Variants in BICC1 observed in about 807,000 individuals in gnomAD.
The protein encoded by BICC1 is protein bicaudal C homolog 1.
Under a neutral mutation model 111.0 loss-of-function variants are expected in BICC1, and 43 were observed. The observed-to-expected ratio is 0.39, with a 90% CI of 0.30 to 0.50. BICC1 has a LOEUF of 0.50. Among genes scored for constraint, BICC1 ranks in the 20% least tolerant of loss-of-function variants. BICC1 has a pLI of 0.88. For synonymous variants in BICC1, 467 were observed against 434.4 expected, an observed-to-expected ratio of 1.07 and a Z score of -0.93; for missense variants, 1,091 against 1,203.2, an observed-to-expected ratio of 0.91 and a Z score of 1.38.
rs755459179 is a variant in BICC1, at chr10:58,800,213, G to A, written c.1745G>A (p.Gly582Asp). The A allele has an allele frequency of 1.2e-6, 2 of 1,603,796 alleles. No homozygotes were observed. Among genetic ancestry groups the A allele is most frequent in the South Asian group, 1.1e-5 (1 of 90,670 alleles). ...GHAQSPDIKY[G>D]AISTSSLGEK... Reference sequence around the variant, plus strand: ...TTTTAGTCTCCAGATATAAAATATGGTGCAATATCCACTTCATCACTTGGA... The same window carrying A: ...TTTTAGTCTCCAGATATAAAATATGATGCAATATCCACTTCATCACTTGGA... The change falls in exon 13 of 21, where the codon GGT becomes GAT. Residue 582 changes from glycine to aspartate, a missense_variant. Physicochemically the swap from Gly to Asp is moderately conservative, Grantham distance 94. Around this residue, in one of 3 missense-constraint regions of BICC1, gnomAD observed 843 missense variants for 900.8 expected, o/e 0.94. Coordinates refer to ENST00000373886, the MANE Select transcript of BICC1 (RefSeq NM_001080512.3).
At chr10:58,788,600 A>G (rs922338184) in intron 6 of BICC1, among the ~76,000 whole-genome samples, 177 bp downstream of exon 6, 1 of 152,212 alleles carries the variant, frequency 6.6e-6, no homozygotes, top group Non-Finnish European at 1.5e-5. Flanking sequence ...TTTATTGTAT[A>G]TGTTCAAAAA....
chr10:58,820,513 CT>C, intron 20 of BICC1, 45 bp downstream of exon 20: 1 of 1,380,444 alleles, frequency 7.2e-7, no homozygotes. Context: ...TGAATAACCT[CT>C]GCCAGTGGTC....
chr10:58,523,675 T>G (rs989062351), intron 1 of BICC1, among the ~76,000 whole-genome samples: 27 of 152,212 alleles, frequency 1.8e-4, no homozygotes, highest in Admixed American at 1.3e-3. Flanking sequence ...ACCACTCCTA[T>G]TCAACATAGT....
At chr10:58,539,923 G>A (rs1193564999) in intron 1 of BICC1, among the ~76,000 whole-genome samples, 1 of 151,872 alleles carries the variant, frequency 6.6e-6, no homozygotes, top group Non-Finnish European at 1.5e-5. Flanking sequence ...GTCATATCAA[G>A]TATCTTTTTA....
At chr10:58,731,000 C>T (rs1262081462) in intron 3 of BICC1, among the ~76,000 whole-genome samples, 1 of 152,176 alleles carries the variant, frequency 6.6e-6, no homozygotes, top group Non-Finnish European at 1.5e-5. Context: ...TTTTTCCAAA[C>T]TTTTATGTTG....
At chr10:58,738,061 T>G (rs1201862192) in intron 3 of BICC1, among the ~76,000 whole-genome samples, 1 of 152,192 alleles carries the variant, frequency 6.6e-6, no homozygotes, top group East Asian at 1.9e-4. Context: ...TGATGGTAGT[T>G]TCTTTTGCTG....
intron 3 of BICC1, among the ~76,000 whole-genome samples, chr10:58,719,538 G>A (rs1319086039): frequency 2.0e-5 from 3 of 151,148 alleles, no homozygotes; most frequent in Non-Finnish European, 2.9e-5. Flanking sequence ...ACGGAGTCTC[G>A]CTCTGTCGCC....
chr10:58,810,676 A>C (rs1249013074), intron 17 of BICC1, among the ~76,000 whole-genome samples: 1 of 152,130 alleles, frequency 6.6e-6, no homozygotes, highest in Admixed American at 6.5e-5. Flanking sequence ...TATTGCCTCT[A>C]TAGATTAGGA....
intron 1 of BICC1, among the ~76,000 whole-genome samples, chr10:58,544,875 G>T (rs1473558623): frequency 6.6e-6 from 1 of 151,988 alleles, no homozygotes; most frequent in Non-Finnish European, 1.5e-5. Flanking sequence ...CATTAGGTTG[G>T]GTTCTAATCT....
At chr10:58,643,570 T>C (rs981038203) in intron 2 of BICC1, among the ~76,000 whole-genome samples, 3 of 152,116 alleles carry the variant, frequency 2.0e-5, no homozygotes, top group African/African-American at 7.2e-5. Context: ...TATCCTTTGT[T>C]CCAAAAAGGG....
At chr10:58,824,803 G>T (rs565584786) in intron 20 of BICC1, among the ~76,000 whole-genome samples, 1 of 152,076 alleles carries the variant, frequency 6.6e-6, no homozygotes, top group Middle Eastern at 3.4e-3. Flanking sequence ...TAAATTTGAG[G>T]GTATTTGCAT....
intron 14 of BICC1, 82 bp from the exon 15 acceptor site, chr10:58,802,995 C>A: frequency 7.7e-7 from 1 of 1,294,138 alleles, no homozygotes; most frequent in African/African-American, 1.5e-5. Context: ...GATAAACATG[C>A]ATAGTAAATG....
chr10:58,589,802 T>G (rs1172050860), intron 1 of BICC1, among the ~76,000 whole-genome samples: 1 of 152,052 alleles, frequency 6.6e-6, no homozygotes, highest in Admixed American at 6.5e-5. Flanking sequence ...TTATTATTAT[T>G]ATTTTTTTTA....
chr10:58,652,980 A>G (rs1205487432), intron 2 of BICC1, among the ~76,000 whole-genome samples: 1 of 152,144 alleles, frequency 6.6e-6, no homozygotes, highest in Non-Finnish European at 1.5e-5. Flanking sequence ...ATACCATGTT[A>G]TATACACTGG....
intron 3 of BICC1, among the ~76,000 whole-genome samples, chr10:58,761,882 G>A (rs1413937635): frequency 6.6e-6 from 1 of 152,030 alleles, no homozygotes; most frequent in Non-Finnish European, 1.5e-5. Context: ...GCAACCACTT[G>A]CATGTGGCTT....
chr10:58,555,322 T>C (rs1028031563), intron 1 of BICC1, among the ~76,000 whole-genome samples: 1 of 148,790 alleles, frequency 6.7e-6, no homozygotes, highest in African/African-American at 2.5e-5. Context: ...TTTTTTTTTT[T>C]TTTTTTTTTT....
chr10:58,619,143 A>G (rs1407387629), intron 1 of BICC1, among the ~76,000 whole-genome samples: 1 of 152,186 alleles, frequency 6.6e-6, no homozygotes, highest in Non-Finnish European at 1.5e-5. Flanking sequence ...ATTTAATCAC[A>G]TCTACAAAAT....
rs565451305 is a variant in BICC1, at chr10:58,699,667, A to C, written c.238-2407A>C. 4.5e-3 allele frequency among the ~76,000 whole-genome samples: 691 copies of C among 152,152 alleles called. 3 individuals are homozygous for C. Among genetic ancestry groups the C allele is most frequent in the South Asian group, 1.0e-2 (48 of 4,818 alleles). Reference sequence around the variant, plus strand: ...TTACTGCCTCCCCACCAATAGCAACATTATAGTAAGATCTTATTTTTCTAT... The same window carrying C: ...TTACTGCCTCCCCACCAATAGCAACCTTATAGTAAGATCTTATTTTTCTAT... On this transcript the variant is annotated intron_variant, in intron 2 of 20. Coordinates refer to ENST00000373886, the MANE Select transcript of BICC1 (RefSeq NM_001080512.3).
chr10:58,794,888 A>T (rs532115463), intron 9 of BICC1, among the ~76,000 whole-genome samples: 1 of 152,242 alleles, frequency 6.6e-6, no homozygotes, highest in East Asian at 1.9e-4. Context: ...CTGATTATAC[A>T]CTCTGAAAAC....
Sources: gnomAD v4.1 joint callset for allele counts (sites outside exome capture counted in the v4.1 genomes callset) on GRCh38, gnomAD v4.1.1 for gene constraint, gnomAD v4.1.1 regional missense constraint, MANE v1.5 for transcripts, NCBI Gene and HGNC (gene_info 2026-07-23, HGNC 2026-07-21) for gene names.